Variants in LRMDA observed in about 807,000 individuals in gnomAD.
The protein encoded by LRMDA is leucine-rich melanocyte differentiation-associated protein.
LRMDA carries 18 observed loss-of-function variants against 29.8 expected under a neutral mutation model. The ratio of observed to expected loss-of-function variants is 0.60; its 90% CI spans 0.42 to 0.90. The LOEUF (loss-of-function observed/expected upper bound fraction) is 0.90, where lower values mean the gene tolerates loss of function less well. Ranked by LOEUF, LRMDA falls within the 40% of genes least tolerant of loss-of-function variation. LRMDA has a pLI of 0.00. For synonymous variants in LRMDA, 125 were observed against 109.4 expected, an observed-to-expected ratio of 1.14 and a Z score of -0.89; for missense variants, 273 against 273.9, an observed-to-expected ratio of 1.00 and a Z score of 0.02.
At chr10:76,435,900 G>A (rs78448640) in intron 6 of LRMDA, among the ~76,000 whole-genome samples, 674 of 152,302 alleles carry the variant, frequency 4.4e-3, no homozygotes, top group African/African-American at 0.015. Flanking sequence ...CCGAACAGAT[G>A]ACAAAAAGAA....
At chr10:76,011,925 T>C (rs1847789580) in intron 2 of LRMDA, among the ~76,000 whole-genome samples, 1 of 152,184 alleles carries the variant, frequency 6.6e-6, no homozygotes, top group Admixed American at 6.5e-5. Context: ...CAAGCCATGC[T>C]GGATAGTGTC....
intron 2 of LRMDA, among the ~76,000 whole-genome samples, chr10:75,482,093 C>T (rs980708968): frequency 6.6e-6 from 1 of 152,128 alleles, no homozygotes; most frequent in African/African-American, 2.4e-5. Flanking sequence ...GTGCCCTTTG[C>T]CATGTGGCTT....
At chr10:75,766,602 A>G (rs903149337) in intron 2 of LRMDA, among the ~76,000 whole-genome samples, 1 of 151,422 alleles carries the variant, frequency 6.6e-6, no homozygotes, top group Non-Finnish European at 1.5e-5. Flanking sequence ...TTGCTAAAAT[A>G]TTGATTTATT....
At chr10:75,521,398 C>T (rs1004097945) in intron 2 of LRMDA, among the ~76,000 whole-genome samples, 1 of 152,248 alleles carries the variant, frequency 6.6e-6, no homozygotes, top group Non-Finnish European at 1.5e-5. Flanking sequence ...TGTTTACCTA[C>T]TCAAGCCTCA....
chr10:76,349,993 T>C (rs1039555719), intron 6 of LRMDA, among the ~76,000 whole-genome samples: 2 of 151,860 alleles, frequency 1.3e-5, no homozygotes, highest in Non-Finnish European at 2.9e-5. Flanking sequence ...TATGGACAAA[T>C]CTAAAAATCA....
chr10:75,900,336 T>C lies in LRMDA; in HGVS notation c.132-135672T>C, dbSNP rs76257820. 7.2e-5 allele frequency among the ~76,000 whole-genome samples: 11 copies of C among 152,344 alleles called. No individual in the cohort carries two copies. In the East Asian group the frequency reaches 2.1e-3, roughly 29 times the overall value. ...AGTTGGAGCTGACTTGATGGGAGTC[T>C]GTGCTTGGAAGGCTTGATTTGAATG... On this transcript the variant is annotated intron_variant, in intron 2 of 6. Transcript: ENST00000611255.
At chr10:76,501,459 A>T (rs1477597372) in intron 6 of LRMDA, among the ~76,000 whole-genome samples, 1 of 152,014 alleles carries the variant, frequency 6.6e-6, no homozygotes. Flanking sequence ...ACTGCCTTCC[A>T]CAGTGGCTGG....
At chr10:76,411,107 G>A (rs1168393004) in intron 6 of LRMDA, among the ~76,000 whole-genome samples, 1 of 152,152 alleles carries the variant, frequency 6.6e-6, no homozygotes, top group African/African-American at 2.4e-5. Context: ...ACCATGAGAG[G>A]AAATTTTTAT....
At chr10:76,029,942 C>T (rs1313151452) in intron 2 of LRMDA, among the ~76,000 whole-genome samples, 1 of 152,162 alleles carries the variant, frequency 6.6e-6, no homozygotes, top group Admixed American at 6.5e-5. Flanking sequence ...GTTGCCCAGG[C>T]TGGAGTGCAG....
At chr10:75,830,895 G>A (rs939850627) in intron 2 of LRMDA, among the ~76,000 whole-genome samples, 8 of 152,152 alleles carry the variant, frequency 5.3e-5, no homozygotes, top group South Asian at 2.1e-4. Context: ...TTCCACCTAT[G>A]AGCCTGTAAA....
chr10:76,536,055 G>T (rs1056682647), intron 6 of LRMDA: 20 of 152,294 alleles, frequency 1.3e-4, no homozygotes, highest in African/African-American at 4.6e-4. Context: ...CGGATTACAG[G>T]CATGAGTCAC....
chr10:75,592,345 T>C, intron 2 of LRMDA, among the ~76,000 whole-genome samples: 1 of 152,224 alleles, frequency 6.6e-6, no homozygotes, highest in East Asian at 1.9e-4. Flanking sequence ...TTTGTGTTTT[T>C]TCTTCTTCTC....
At chr10:75,989,147 C>T (rs1847315039) in intron 2 of LRMDA, among the ~76,000 whole-genome samples, 1 of 152,212 alleles carries the variant, frequency 6.6e-6, no homozygotes. Flanking sequence ...TCCCTGGCAT[C>T]TGACACACAG....
chr10:75,603,094 G>T (rs538662378), intron 2 of LRMDA, among the ~76,000 whole-genome samples: 1 of 152,174 alleles, frequency 6.6e-6, no homozygotes, highest in South Asian at 2.1e-4. Flanking sequence ...CTACTAAAGA[G>T]GGCCCTTATA....
intron 2 of LRMDA, among the ~76,000 whole-genome samples, chr10:75,876,099 C>A (rs944718202): frequency 1.3e-5 from 2 of 152,124 alleles, no homozygotes; most frequent in African/African-American, 4.8e-5. Flanking sequence ...ACTGATTGGA[C>A]CCTGGTGGGA....
At chr10:76,227,703 A>G (rs1468032545) in intron 5 of LRMDA, among the ~76,000 whole-genome samples, 7 of 152,232 alleles carry the variant, frequency 4.6e-5, no homozygotes, top group Non-Finnish European at 8.8e-5. Context: ...GGCATATCCT[A>G]TAGTCTCTCA....
At chr10:75,590,098 C>T (rs1840704820) in intron 2 of LRMDA, among the ~76,000 whole-genome samples, 1 of 151,492 alleles carries the variant, frequency 6.6e-6, no homozygotes. Flanking sequence ...GGGCTCACTG[C>T]AGCCTTGACC....
At chr10:76,117,321 T>C (rs1044614797) in intron 5 of LRMDA, among the ~76,000 whole-genome samples, 1 of 152,216 alleles carries the variant, frequency 6.6e-6, no homozygotes, top group African/African-American at 2.4e-5. Flanking sequence ...CTCTGTCTCC[T>C]GACAGTGGTT....
intron 2 of LRMDA, among the ~76,000 whole-genome samples, chr10:75,858,864 A>G (rs1470193557): frequency 6.6e-6 from 1 of 152,198 alleles, no homozygotes; most frequent in Admixed American, 6.5e-5. Flanking sequence ...CCCAGAAGAG[A>G]TAACCACATT....
Sources: gnomAD v4.1 joint callset for allele counts (sites outside exome capture counted in the v4.1 genomes callset) on GRCh38, gnomAD v4.1.1 for gene constraint, MANE v1.5 for transcripts, NCBI Gene and HGNC (gene_info 2026-07-23, HGNC 2026-07-21) for gene names.